CHD3: variants seen among roughly 807,000 people sequenced by gnomAD.
CHD3 encodes the protein chromodomain helicase DNA binding protein 3.
CHD3 carries 52 observed loss-of-function variants against 248.9 expected under a neutral mutation model. The observed-to-expected ratio is 0.21, with a 90% confidence interval of 0.17 to 0.26. CHD3 has a LOEUF of 0.26. Ranked by LOEUF, CHD3 falls within the 10% of genes least tolerant of loss-of-function variation. The probability of loss-of-function intolerance (pLI) is 1.00; values close to 1 mark genes in which losing one functional copy is unlikely to be tolerated. For missense variants in CHD3, 1,482 were observed against 2,605.8 expected (o/e 0.57, Z 9.39); for synonymous variants, 985 against 985.2 (o/e 1.00, Z 0.00).
Position 7,905,829 on chromosome 17 carries a change from C to T in CHD3, c.4225-27C>T, listed in dbSNP as rs766552141. ...ACCTAAGAACCCTAGACATTTGTCG[C>T]CATTGCCTCCTTGCTCCCACCCTCA... On this transcript the variant is annotated intron_variant, in intron 27 of 39. Transcript: ENST00000330494. This position sits in a 1 kb window ranked among gnomAD's most constrained non-coding sequence, Gnocchi z 5.8. 11 of 1,613,988 alleles carry T rather than the reference C, an allele frequency of 6.8e-6. No homozygotes were observed. The highest frequency in any genetic ancestry group is 7.6e-6 in the Non-Finnish European group (9 of 1,180,026).
At chr17:7,885,675 A>G (rs1372629424), upstream of CHD3, among the ~76,000 whole-genome samples, 1 of 152,086 alleles carries the variant, frequency 6.6e-6, no homozygotes, top group African/African-American at 2.4e-5. Flanking sequence ...CCCTCCGCTC[A>G]GGACTTGGAC....
At position 7,895,166 on chromosome 17, in the gene CHD3, TC is replaced by T; in HGVS notation, c.1503+20del. The T allele has an allele frequency of 1.2e-6, 2 of 1,611,436 alleles. No individual in the cohort carries two copies. Among genetic ancestry groups the T allele is most frequent in the Non-Finnish European group, 1.7e-6 (2 of 1,178,368 alleles). On this transcript the variant is annotated intron_variant, in intron 9 of 39. Coordinates refer to ENST00000330494, the MANE Select transcript of CHD3 (RefSeq NM_001005273.3). This position sits in a 1 kb window ranked among gnomAD's most constrained non-coding sequence, Gnocchi z 4.9. ...CCGATGCACAGTGAGTGGAAACATC[TC>T]CCCTCTGTATTTACTGTCAGGCCTG... is the stretch of plus-strand genomic sequence containing the variant.
Position 7,889,886 on chromosome 17 carries a change from A to G in CHD3, c.213+110A>G. On this transcript the variant is annotated intron_variant, in intron 2 of 39. Transcript: ENST00000330494. The surrounding 1 kb of genome is among the most constrained non-coding windows in gnomAD (Gnocchi z 4.5). ...GGTGTGGGGGTGGGGTTCTGAAGCC[A>G]GGGAGGCTTGATCCCCCGGGCCCCC... 9.0e-7 allele frequency: 1 copy of G among 1,116,816 alleles called. No homozygotes were observed. The highest frequency in any genetic ancestry group is 2.3e-4 in the Middle Eastern group (1 of 4,354). 69.2% of individuals were successfully genotyped at this position (1,116,816 alleles called of 1,614,324 possible).
At chr17:7,901,742 C>T (rs1398593349) in intron 20 of CHD3, among the ~76,000 whole-genome samples, 1 of 151,904 alleles carries the variant, frequency 6.6e-6, no homozygotes, top group East Asian at 1.9e-4. Flanking sequence ...ATCACCTGAC[C>T]TCAGGTGATC....
Position 7,911,555 on chromosome 17 carries a change from A to G in CHD3, c.5973A>G (p.Arg1991=). 1 of 1,614,154 alleles carries G rather than the reference A, an allele frequency of 6.2e-7. No homozygotes were observed. Among genetic ancestry groups the G allele is most frequent in the Non-Finnish European group, 8.5e-7 (1 of 1,179,996 alleles). The change falls in exon 40 of 40, where the codon CGA becomes CGG. Residue 1991 remains arginine (R), a synonymous_variant. Transcript: ENST00000330494. This position sits in a 1 kb window ranked among gnomAD's most constrained non-coding sequence, Gnocchi z 5.4. ...VSDGLDRKEP[R]AGEVICIDD is the part of the protein sequence containing the mutation. Reference sequence around the variant, plus strand: ...ACGGGCTGGATCGGAAGGAGCCCCGAGCCGGGGAGGTGATCTGTATAGACG... The same window carrying G: ...ACGGGCTGGATCGGAAGGAGCCCCGGGCCGGGGAGGTGATCTGTATAGACG...
chr17:7,905,616 C>T lies in CHD3; in HGVS notation c.4139-5C>T, dbSNP rs753264591. ...TCAGCTAACTGATGTCATCCCCACC[C>T]TCAGGGCGTAGACAGTCAAAGAGGC... On this transcript the variant is annotated splice_region_variant and splice_polypyrimidine_tract_variant and intron_variant, in intron 26 of 39. Coordinates refer to ENST00000330494, the MANE Select transcript of CHD3 (RefSeq NM_001005273.3). This position sits in a 1 kb window ranked among gnomAD's most constrained non-coding sequence, Gnocchi z 5.8. The T allele has an allele frequency of 9.5e-6, 15 of 1,584,780 alleles. No homozygotes were observed. The South Asian group carries it at 1.1e-4, about 12-fold the overall frequency.
chr17:7,890,825 ATG>A, intron 3 of CHD3, 84 bp downstream of exon 3: 1 of 1,581,292 alleles, frequency 6.3e-7, no homozygotes, highest in Non-Finnish European at 8.6e-7. Context: ...GGACTGGAGA[ATG>A]GGGCAAGAAG....
Position 7,906,632 on chromosome 17 carries a change from C to A in CHD3, c.4438C>A (p.Arg1480=). ...GSETFADGVP[R]EGLSRQQVLT... is the part of the protein sequence containing the mutation. ...TGAAACCTTTGCCGATGGGGTCCCT[C>A]GGGAGGGACTGAGTCGCCAGCAGGT... Residue 1480 remains arginine, a synonymous_variant, in exon 29 of 40, where the codon CGG becomes AGG. Transcript: ENST00000330494. This position sits in a 1 kb window ranked among gnomAD's most constrained non-coding sequence, Gnocchi z 5.0. The A allele has an allele frequency of 6.2e-7, 1 of 1,613,658 alleles. No individual in the cohort carries two copies. The highest frequency in any genetic ancestry group is 8.5e-7 in the Non-Finnish European group (1 of 1,179,854).
chr17:7,903,905 G>A lies in CHD3; in HGVS notation c.3808G>A (p.Ala1270Thr), dbSNP rs745637501. 1.2e-6 allele frequency: 2 copies of A among 1,614,202 alleles called. No individual in the cohort carries two copies. Among genetic ancestry groups the A allele is most frequent in the Non-Finnish European group, 1.7e-6 (2 of 1,180,034 alleles). Residue 1270 changes from alanine to threonine, a missense_variant, in exon 24 of 40, where the codon GCA becomes ACA. Ala to Thr is a moderately conservative substitution (Grantham distance 58). Transcript: ENST00000330494. This position sits in a 1 kb window ranked among gnomAD's most constrained non-coding sequence, Gnocchi z 6.8. ...IARLLDRNQD[A>T]TEDTDVQNMN... is the part of the protein sequence containing the mutation. The stretch of plus-strand genomic sequence containing the variant: ...TCGGCTGTTGGACCGGAACCAGGAT[G>A]CAACTGAGGACACTGACGTGCAGAA...
At chr17:7,891,196 C>A in intron 4 of CHD3, 132 bp downstream of exon 4, 3 of 1,075,414 alleles carry the variant, frequency 2.8e-6, no homozygotes, top group Non-Finnish European at 4.0e-6. Context: ...CCAAATTCTA[C>A]ACGTCATTTC....
rs2151516394 is a variant in CHD3, at chr17:7,895,271, C to T, written c.1504-68C>T. On this transcript the variant is annotated intron_variant, in intron 9 of 39. Coordinates refer to ENST00000330494, the MANE Select transcript of CHD3 (RefSeq NM_001005273.3). The surrounding 1 kb of genome is among the most constrained non-coding windows in gnomAD (Gnocchi z 4.9). The stretch of plus-strand genomic sequence containing the variant: ...TCCCCCACCCTTGTGGGACCCCTAT[C>T]TTCTCATCTAACAATGGGTTCTTTC... 6.3e-7 allele frequency: 1 copy of T among 1,590,388 alleles called. No homozygotes were observed. Among genetic ancestry groups the T allele is most frequent in the African/African-American group, 1.3e-5 (1 of 74,588 alleles).
chr17:7,889,180 C>T lies in CHD3; in HGVS notation c.100+80C>T. 6.4e-7 allele frequency: 1 copy of T among 1,564,812 alleles called. No individual in the cohort carries two copies. Among genetic ancestry groups the T allele is most frequent in the Non-Finnish European group, 8.8e-7 (1 of 1,142,768 alleles). Reference sequence around the variant, plus strand: ...GGGCCCCAGGGTGTTAGTGTGAGAACCCAGGTGTCCACCTTTGGCTCTCCC... The same window carrying T: ...GGGCCCCAGGGTGTTAGTGTGAGAATCCAGGTGTCCACCTTTGGCTCTCCC... On this transcript the variant is annotated intron_variant, in intron 1 of 39. Coordinates refer to ENST00000330494, the MANE Select transcript of CHD3 (RefSeq NM_001005273.3). This position sits in a 1 kb window ranked among gnomAD's most constrained non-coding sequence, Gnocchi z 4.5.
Position 7,904,958 on chromosome 17 carries a change from AGT to A in CHD3, c.4073-140_4073-139del, listed in dbSNP as rs1970745475. On this transcript the variant is annotated intron_variant, in intron 25 of 39. Coordinates refer to ENST00000330494, the MANE Select transcript of CHD3 (RefSeq NM_001005273.3). This position sits in a 1 kb window ranked among gnomAD's most constrained non-coding sequence, Gnocchi z 4.4. ...GCGGCTCCCAAGTCAGACTTTGGGCAGTGATCTGGTGTTCCCAGAAGGACCAA... is the reference window on the plus strand; with the variant it reads ...GCGGCTCCCAAGTCAGACTTTGGGCAGATCTGGTGTTCCCAGAAGGACCAA... The A allele has an allele frequency of 1.3e-6, 1 of 755,494 alleles. No homozygotes were observed. Among genetic ancestry groups the A allele is most frequent in the Non-Finnish European group, 2.3e-6 (1 of 438,066 alleles). The allele number at this position is 755,494 out of a possible 1,614,324, so 46.8% of individuals were successfully genotyped here. A position where few individuals can be genotyped will look rare whatever the true frequency, so the allele number is the denominator to read the frequency against.
chr17:7,896,949 G>A (rs376244221), intron 10 of CHD3, 134 bp from the exon 11 acceptor site: 7 of 719,034 alleles, frequency 9.7e-6, no homozygotes, highest in Admixed American at 2.3e-5. Flanking sequence ...ATGAGCCACC[G>A]TGCCTGGGCC....
At chr17:7,891,209 G>A in intron 4 of CHD3, 145 bp downstream of exon 4, 2 of 994,444 alleles carry the variant, frequency 2.0e-6, no homozygotes, top group Non-Finnish European at 1.5e-6. Flanking sequence ...GTCATTTCAG[G>A]GAACTCCTAG....
In CHD3 at chr17:7,910,255, T is replaced by C. The variant is rs1050141282; in HGVS notation, c.5591-173T>C. On this transcript the variant is annotated intron_variant, in intron 37 of 39. Coordinates refer to ENST00000330494, the MANE Select transcript of CHD3 (RefSeq NM_001005273.3). The surrounding 1 kb of genome is among the most constrained non-coding windows in gnomAD (Gnocchi z 4.7). ...TTTCTTTTCCCCTGAGTTGCTTCTG[T>C]TTTCCATCTACTTCTTTTACTTTCT... 32 of 777,194 alleles carry C rather than the reference T, an allele frequency of 4.1e-5. No homozygotes were observed. The highest frequency in any genetic ancestry group is 6.6e-5 in the Non-Finnish European group (31 of 472,852). The allele number at this position is 777,194 out of a possible 1,614,324, so 48.1% of individuals were successfully genotyped here. A position where few individuals can be genotyped will look rare whatever the true frequency, so the allele number is the denominator to read the frequency against.
rs1970128972 is a variant in CHD3, at chr17:7,900,072, G to A, written c.2682+39G>A. 1 of 1,577,658 alleles carries A rather than the reference G, an allele frequency of 6.3e-7. No individual in the cohort carries two copies. Among genetic ancestry groups the A allele is most frequent in the South Asian group, 1.1e-5 (1 of 87,120 alleles). ...CCAGACCTAAAAAACTTGAAGTTGT[G>A]GACTTCCCACTTGCCTTGGTCCTAA... On this transcript the variant is annotated intron_variant, in intron 16 of 39. Coordinates refer to ENST00000330494, the MANE Select transcript of CHD3 (RefSeq NM_001005273.3). This position sits in a 1 kb window ranked among gnomAD's most constrained non-coding sequence, Gnocchi z 6.5.
intron 10 of CHD3, among the ~76,000 whole-genome samples, chr17:7,896,744 C>T (rs1272331912): frequency 2.0e-5 from 3 of 150,180 alleles, no homozygotes; most frequent in African/African-American, 7.4e-5. Flanking sequence ...CTGCAACCTC[C>T]GCCTCATGCA....
At position 7,905,171 on chromosome 17, in the gene CHD3, A is replaced by G. The variant is rs374375497; in HGVS notation, c.4138+6A>G. ...CTTCGATGAACGTCCTGAAGGTGGC[A>G]TCTGTGTTCCTGACTCTACCTCACC... On this transcript the variant is annotated splice_donor_region_variant and intron_variant, in intron 26 of 39. Transcript: ENST00000330494. The surrounding 1 kb of genome is among the most constrained non-coding windows in gnomAD (Gnocchi z 5.8). 4 of 1,613,494 alleles carry G rather than the reference A, an allele frequency of 2.5e-6. No homozygotes were observed. The African/African-American group carries it at 5.3e-5, about 22-fold the overall frequency.
Sources: gnomAD v4.1 joint callset for allele counts (sites outside exome capture counted in the v4.1 genomes callset) on GRCh38, gnomAD v4.1.1 for gene constraint, Gnocchi (gnomAD v3.1) non-coding constraint, MANE v1.5 for transcripts, NCBI Gene and HGNC (gene_info 2026-07-23, HGNC 2026-07-21) for gene names.